The following ZNF532 variants were observed in gnomAD, a reference collection of about 807,000 sequenced individuals.
ZNF532 encodes zinc finger protein 532.
A neutral mutation model predicts 89.3 loss-of-function variants in ZNF532; 22 were observed. The observed-to-expected ratio is 0.25, with a 90% CI of 0.18 to 0.35. The LOEUF is 0.35. ZNF532 is among the 10% of genes least tolerant of loss of function. ZNF532 has a pLI of 1.00. For missense variants in ZNF532, 1,132 were observed against 1,643.4 expected (o/e 0.69, Z 5.38); for synonymous variants, 606 against 649.6 (o/e 0.93, Z 1.02).
intron 2 of ZNF532, among the ~76,000 whole-genome samples, chr18:58,887,515 G>A (rs761301619): frequency 5.3e-5 from 8 of 152,156 alleles, no homozygotes; most frequent in African/African-American, 1.2e-4. Context: ...GTTATTGTTC[G>A]ATGCATATTT....
intron 5 of ZNF532, among the ~76,000 whole-genome samples, chr18:58,942,138 T>C (rs1423412791): frequency 3.3e-5 from 5 of 150,246 alleles, no homozygotes; most frequent in Admixed American, 1.3e-4. Context: ...TTCTCCTGCC[T>C]CAGCCTCCTG....
At chr18:58,882,751 A>G (rs537104202) in intron 2 of ZNF532, among the ~76,000 whole-genome samples, 42 of 152,302 alleles carry the variant, frequency 2.8e-4, no homozygotes, top group Admixed American at 4.6e-4. Context: ...CAGTCTCCAA[A>G]GAGAATAATT....
At chr18:58,956,832 C>T (rs1339188695) in intron 7 of ZNF532, among the ~76,000 whole-genome samples, 1 of 152,180 alleles carries the variant, frequency 6.6e-6, no homozygotes, top group East Asian at 1.9e-4. Flanking sequence ...CCACTCTCTC[C>T]TGGGTTCTCT....
chr18:58,976,130 G>T (rs1374249865), intron 7 of ZNF532, among the ~76,000 whole-genome samples: 2 of 152,186 alleles, frequency 1.3e-5, no homozygotes, highest in Non-Finnish European at 2.9e-5. Context: ...ATGTGACCAG[G>T]CAGGTTTGAT....
At chr18:58,950,772 A>G (rs1053368968) in intron 6 of ZNF532, among the ~76,000 whole-genome samples, 2 of 152,214 alleles carry the variant, frequency 1.3e-5, no homozygotes, top group African/African-American at 2.4e-5. Flanking sequence ...GGAAAAATCA[A>G]TTTGAAAAGA....
intron 7 of ZNF532, among the ~76,000 whole-genome samples, chr18:58,959,913 A>G (rs2065184327): frequency 6.6e-6 from 1 of 152,112 alleles, no homozygotes. Context: ...GACGTTATAC[A>G]TTTACCACTT....
At chr18:58,939,261 A>AC (rs2062761084) in intron 4 of ZNF532, among the ~76,000 whole-genome samples, 184 bp from the exon 5 acceptor site, 3 of 148,814 alleles carry the variant, frequency 2.0e-5, no homozygotes, top group South Asian at 2.1e-4. Context: ...AAAAAAAAAA[A>AC]AAAAAAAAAA....
intron 2 of ZNF532, among the ~76,000 whole-genome samples, chr18:58,908,716 T>A (rs2060095792): frequency 6.6e-6 from 1 of 152,222 alleles, no homozygotes. Context: ...TTGGCATTTG[T>A]ATTCATGGAT....
chr18:58,960,942 T>C (rs1265552211), intron 7 of ZNF532, among the ~76,000 whole-genome samples: 5 of 152,368 alleles, frequency 3.3e-5, no homozygotes, highest in East Asian at 3.9e-4. Flanking sequence ...GAGGTAGATA[T>C]GGCTTAGCTA....
chr18:58,978,474 TATA>T (rs1352198752), intron 7 of ZNF532, among the ~76,000 whole-genome samples: 7 of 152,208 alleles, frequency 4.6e-5, no homozygotes, highest in African/African-American at 1.7e-4. Flanking sequence ...AAAAGATTTA[TATA>T]ATGTTATTTC....
chr18:58,873,605 T>C (rs905919508), intron 2 of ZNF532, among the ~76,000 whole-genome samples: 9 of 152,050 alleles, frequency 5.9e-5, no homozygotes, highest in African/African-American at 2.2e-4. Context: ...CCTGCCACCA[T>C]GCCTGGCTCA....
chr18:58,982,775 G>A (rs1014575720), intron 9 of ZNF532, among the ~76,000 whole-genome samples: 1 of 152,022 alleles, frequency 6.6e-6, no homozygotes, highest in African/African-American at 2.4e-5. Flanking sequence ...AGACTGATGT[G>A]GCATTAAAAT....
chr18:58,935,888 G>A (rs1236164397), intron 4 of ZNF532, among the ~76,000 whole-genome samples: 1 of 151,852 alleles, frequency 6.6e-6, no homozygotes. Context: ...TAAAAATGAA[G>A]TCCAGTTGGC....
At chr18:58,880,771 CGT>C (rs1812001716) in intron 2 of ZNF532, among the ~76,000 whole-genome samples, 4 of 145,258 alleles carry the variant, frequency 2.8e-5, no homozygotes, top group African/African-American at 1.0e-4. Flanking sequence ...CACGCGCGCG[CGT>C]CTGTGTGTGT....
In ZNF532 at chr18:58,888,824, T is replaced by TATAAA. The variant is rs1568247362; in HGVS notation, c.-18+23246_-18+23247insTAAAA. On this transcript the variant is annotated intron_variant, in intron 2 of 9. Transcript: ENST00000591808. The stretch of plus-strand genomic sequence containing the variant: ...TTATATATATAAAAAATTATATATA[T>TATAAA]AAATTATATATATAATTTATATATA... Among the ~76,000 whole-genome samples the TATAAA allele has an allele frequency of 5.6e-4, 29 of 52,040 alleles. 1 individual carries two copies. Among genetic ancestry groups the TATAAA allele is most frequent in the African/African-American group, 2.7e-3 (22 of 8,132 alleles). 34.1% of individuals were successfully genotyped at this position (52,040 alleles called of 152,430 possible). A position where few individuals can be genotyped will look rare whatever the true frequency, so the allele number is the denominator to read the frequency against.
intron 3 of ZNF532, chr18:58,926,261 C>T (rs1172119456): frequency 6.6e-6 from 1 of 152,182 alleles, no homozygotes; most frequent in Non-Finnish European, 1.5e-5. Flanking sequence ...AGAACAGATA[C>T]TACACTTGTT....
chr18:58,907,387 TGTCA>T lies in ZNF532; in HGVS notation c.-17-10882_-17-10879del, dbSNP rs1363378671. Among the ~76,000 whole-genome samples, 6 of 152,252 alleles carry T rather than the reference TGTCA, an allele frequency of 3.9e-5. No individual in the cohort carries two copies. The East Asian group carries it at 1.2e-3, about 29-fold the overall frequency. ...TTTTAGTAGAGATGGGGTTTTACCA[TGTCA>T]GCCAGGCTGGTCTTGAACTCCTGAC... On this transcript the variant is annotated intron_variant, in intron 2 of 9. Transcript: ENST00000591808.
chr18:58,941,968 C>T (rs1299125087), intron 5 of ZNF532, among the ~76,000 whole-genome samples: 1 of 133,688 alleles, frequency 7.5e-6, no homozygotes, highest in African/African-American at 2.7e-5. Flanking sequence ...CCCTCTCTCC[C>T]TCCCTCCCTC....
At chr18:58,885,846 C>CA (rs79673674) in intron 2 of ZNF532, among the ~76,000 whole-genome samples, 5,282 of 135,114 alleles carry the variant, frequency 0.039, 134 homozygotes, top group Non-Finnish European at 0.06. Flanking sequence ...GACAATGTCT[C>CA]AAAAAAAAAA....
Sources: allele counts gnomAD v4.1 joint callset (sites outside exome capture counted in the v4.1 genomes callset), GRCh38; gene constraint gnomAD v4.1.1; transcripts MANE v1.5; gene names NCBI Gene and HGNC (gene_info 2026-07-23, HGNC 2026-07-21).